ABCA13: variants seen among roughly 807,000 people sequenced by gnomAD.
ABCA13 encodes ATP-binding cassette sub-family A member 13.
Under a neutral mutation model 478.7 loss-of-function variants are expected in ABCA13, and 476 were observed. The ratio of observed to expected loss-of-function variants is 0.99; its 90% CI spans 0.92 to 1.07. The LOEUF (loss-of-function observed/expected upper bound fraction) is 1.07, where lower values mean the gene tolerates loss of function less well. Among genes scored for constraint, ABCA13 ranks in the 50% least tolerant of loss-of-function variants. The probability of loss-of-function intolerance (pLI) is 0.00; values close to 1 mark genes in which losing one functional copy is unlikely to be tolerated. For synonymous variants in ABCA13, 2,252 were observed against 2,158.9 expected (o/e 1.04, Z -1.20); for missense variants, 6,060 against 5,910.6 (o/e 1.03, Z -0.83).
At position 48,276,213 on chromosome 7, in the gene ABCA13, G is replaced by A. The variant is rs201842544; in HGVS notation, c.6547G>A (p.Val2183Ile). ...KNISRAGNFD[V>I]AFLTHLLNQE... is the part of the protein sequence containing the mutation. Reference sequence around the variant, plus strand: ...TATATCTAGAGCAGGCAATTTTGATGTTGCCTTTCTTACCCATCTGCTAAA... The same window carrying A: ...TATATCTAGAGCAGGCAATTTTGATATTGCCTTTCTTACCCATCTGCTAAA... The change falls in exon 17 of 62, where the codon GTT becomes ATT. Residue 2183 changes from valine to isoleucine, a missense_variant. Val to Ile is a conservative substitution (Grantham distance 29). Around this residue, in one of 3 missense-constraint regions of ABCA13, gnomAD observed 4,423 missense variants for 4,309.1 expected, o/e 1.03. Coordinates refer to ENST00000435803, the MANE Select transcript of ABCA13 (RefSeq NM_152701.5). 5 of 1,582,224 alleles carry A rather than the reference G, an allele frequency of 3.2e-6. No individual in the cohort carries two copies. The highest frequency in any genetic ancestry group is 2.7e-5 in the African/African-American group (2 of 74,202).
At chr7:48,447,655 T>C (rs75039435) in intron 42 of ABCA13, among the ~76,000 whole-genome samples, 2,195 of 152,152 alleles carry the variant, frequency 0.014, 49 homozygotes, top group African/African-American at 0.05. Flanking sequence ...AGGGGAAGAA[T>C]GGACCCAGGA....
chr7:48,588,713 T>C (rs1021035629), intron 57 of ABCA13, among the ~76,000 whole-genome samples: 10 of 152,222 alleles, frequency 6.6e-5, no homozygotes, highest in African/African-American at 2.4e-4. Flanking sequence ...ACATTAAGCA[T>C]ATAGCCCAGT....
intron 19 of ABCA13, among the ~76,000 whole-genome samples, chr7:48,287,145 G>C (rs78602562): frequency 0.037 from 5,575 of 152,290 alleles, 205 homozygotes; most frequent in Admixed American, 0.1. Context: ...AGATACGTAG[G>C]TTCAGGAAGG....
At chr7:48,314,972 G>A (rs1281230748) in intron 26 of ABCA13, among the ~76,000 whole-genome samples, 1 of 152,092 alleles carries the variant, frequency 6.6e-6, no homozygotes, top group Non-Finnish European at 1.5e-5. Context: ...TAATTTTTTG[G>A]CCCCAATTTA....
In ABCA13 at chr7:48,451,306, A is replaced by G. The variant is rs138882875; in HGVS notation, c.12566-3731A>G. Among the ~76,000 whole-genome samples the G allele has an allele frequency of 5.9e-5, 9 of 152,258 alleles. No homozygotes were observed. The East Asian group carries it at 1.7e-3, about 29-fold the overall frequency. On this transcript the variant is annotated intron_variant, in intron 42 of 61. Coordinates refer to ENST00000435803, the MANE Select transcript of ABCA13 (RefSeq NM_152701.5). ...GAGCCATCGCGCCCAGCAAGATGTT[A>G]TAAATCACCTGGTTTATGTATGTGA...
At chr7:48,596,698 T>G (rs1790319874) in intron 58 of ABCA13, among the ~76,000 whole-genome samples, 1 of 151,824 alleles carries the variant, frequency 6.6e-6, no homozygotes, top group Non-Finnish European at 1.5e-5. Flanking sequence ...CTCAAGAGGC[T>G]GAGGCAGGAG....
At chr7:48,465,678 A>G (rs1323078786) in intron 43 of ABCA13, among the ~76,000 whole-genome samples, 1 of 152,110 alleles carries the variant, frequency 6.6e-6, no homozygotes, top group Non-Finnish European at 1.5e-5. Flanking sequence ...TCAAATATTT[A>G]TAATGTCTTA....
At chr7:48,390,252 T>G (rs184423780) in intron 37 of ABCA13, among the ~76,000 whole-genome samples, 1 of 152,336 alleles carries the variant, frequency 6.6e-6, no homozygotes, top group Admixed American at 6.5e-5. Context: ...GTTCAATGAC[T>G]GTGTTGCTTT....
intron 59 of ABCA13, among the ~76,000 whole-genome samples, chr7:48,625,198 A>G (rs1180288082): frequency 2.0e-5 from 3 of 152,228 alleles, no homozygotes; most frequent in Non-Finnish European, 4.4e-5. Flanking sequence ...GTGACACCAT[A>G]TGCTTTAGTG....
chr7:48,352,730 A>G (rs1809251376), intron 31 of ABCA13, among the ~76,000 whole-genome samples: 1 of 152,092 alleles, frequency 6.6e-6, no homozygotes, highest in Admixed American at 6.5e-5. Context: ...GGCATCATCT[A>G]TAGTTTTAAA....
In ABCA13 at chr7:48,222,479, A is replaced by T. The variant is rs528141268; in HGVS notation, c.468+1170A>T. Among the ~76,000 whole-genome samples the T allele has an allele frequency of 2.0e-5, 3 of 152,358 alleles. No individual in the cohort carries two copies. The East Asian group carries it at 5.8e-4, about 29-fold the overall frequency. Reference sequence around the variant, plus strand: ...ATGTTATGTATAATACAAGGGAAATAAAAAGCTGTATGCATAAAATGTTCA... The same window carrying T: ...ATGTTATGTATAATACAAGGGAAATTAAAAGCTGTATGCATAAAATGTTCA... On this transcript the variant is annotated intron_variant, in intron 5 of 61. Coordinates refer to ENST00000435803, the MANE Select transcript of ABCA13 (RefSeq NM_152701.5).
rs1462952193 is a variant in ABCA13 at position 48,272,103 on chromosome 7, A to G, written c.2437A>G (p.Arg813Gly). 1.2e-6 allele frequency: 2 copies of G among 1,613,642 alleles called. No individual in the cohort carries two copies. The highest frequency in any genetic ancestry group is 2.7e-5 in the African/African-American group (2 of 74,916). The change falls in exon 17 of 62, where the codon AGG becomes GGG. Residue 813 changes from arginine (R) to glycine (G), a missense_variant. By Grantham distance (125) the Arg-to-Gly change is moderately radical. Transcript: ENST00000435803. ...KMQTLGSHWIRKEPKNLLRFI... is the reference protein window; with the variant it reads ...KMQTLGSHWIGKEPKNLLRFI... Reference sequence around the variant, plus strand: ...GCAGACTCTCGGAAGTCACTGGATAAGGAAGGAACCAAAAAATCTTTTGAG... The same window carrying G: ...GCAGACTCTCGGAAGTCACTGGATAGGGAAGGAACCAAAAAATCTTTTGAG...
At position 48,279,254 on chromosome 7, in the gene ABCA13, T is replaced by C. The variant is rs1305541942; in HGVS notation, c.8060T>C (p.Ile2687Thr). The C allele has an allele frequency of 6.3e-7, 1 of 1,588,634 alleles. No individual in the cohort carries two copies. Among genetic ancestry groups the C allele is most frequent in the Admixed American group, 1.8e-5 (1 of 56,116 alleles). Residue 2687 changes from isoleucine (I) to threonine (T), a missense_variant, in exon 18 of 62, where the codon ATC (isoleucine) becomes ACC (threonine). Physicochemically the swap from Ile to Thr is moderately conservative, Grantham distance 89. Around this residue, in one of 3 missense-constraint regions of ABCA13, gnomAD observed 4,423 missense variants for 4,309.1 expected, o/e 1.03. Coordinates refer to ENST00000435803, the MANE Select transcript of ABCA13 (RefSeq NM_152701.5). ...ILGCLVPINN[I>T]TNQMDFLYPN... is the part of the protein sequence containing the mutation. Reference sequence around the variant, plus strand: ...GGTTGCTTAGTTCCTATAAATAACATCACCAACCAAATGGACTTCTTATAC... The same window carrying C: ...GGTTGCTTAGTTCCTATAAATAACACCACCAACCAAATGGACTTCTTATAC...
intron 52 of ABCA13, among the ~76,000 whole-genome samples, chr7:48,518,321 A>G (rs987129080): frequency 6.6e-6 from 1 of 152,168 alleles, no homozygotes; most frequent in Non-Finnish European, 1.5e-5. Context: ...AGATAATCCT[A>G]TTGGTGAGGA....
intron 38 of ABCA13, 97 bp from the exon 39 acceptor site, chr7:48,403,586 C>G: frequency 8.1e-7 from 1 of 1,241,698 alleles, no homozygotes; most frequent in South Asian, 1.4e-5. Flanking sequence ...TGGTTTATAA[C>G]GATTTCAGCC....
intron 1 of ABCA13, among the ~76,000 whole-genome samples, chr7:48,178,520 C>G (rs1795191267): frequency 6.6e-6 from 1 of 151,744 alleles, no homozygotes; most frequent in Non-Finnish European, 1.5e-5. Context: ...ACTAAAAATA[C>G]AAAAAATAGC....
At chr7:48,617,463 C>T (rs915690482) in intron 59 of ABCA13, among the ~76,000 whole-genome samples, 9 of 152,072 alleles carry the variant, frequency 5.9e-5, no homozygotes, top group Non-Finnish European at 1.0e-4. Flanking sequence ...AGGATTTCCC[C>T]GTGGAGAGGC....
chr7:48,637,506 G>GA (rs893342235), intron 59 of ABCA13, among the ~76,000 whole-genome samples: 4 of 149,304 alleles, frequency 2.7e-5, no homozygotes, highest in Admixed American at 6.7e-5. Flanking sequence ...GCTAAGGACA[G>GA]AAAAAAAAAT....
chr7:48,274,617 C>T lies in ABCA13; in HGVS notation c.4951C>T (p.Pro1651Ser). ...AATGCCTGTAGTTCATCACACTAGT[C>T]CACAAAATGCAGGTTATATGCAAGC... is the stretch of plus-strand genomic sequence containing the variant. ...SLMPVVHHTS[P>S]QNAGYMQALK... The change falls in exon 17 of 62, where the codon CCA becomes TCA. Residue 1651 changes from proline (P) to serine (S), a missense_variant. Pro to Ser is a moderately conservative substitution (Grantham distance 74). This residue lies in a region of ABCA13 where 4,423 missense variants were observed against 4,309.1 expected (regional missense o/e 1.03). Coordinates refer to ENST00000435803, the MANE Select transcript of ABCA13 (RefSeq NM_152701.5). 1 of 1,613,932 alleles carries T rather than the reference C, an allele frequency of 6.2e-7. No homozygotes were observed. The highest frequency in any genetic ancestry group is 1.1e-5 in the South Asian group (1 of 91,082).
Sources: allele counts gnomAD v4.1 joint callset (sites outside exome capture counted in the v4.1 genomes callset), GRCh38; gene constraint gnomAD v4.1.1; regional missense constraint gnomAD v4.1.1; transcripts MANE v1.5; gene names NCBI Gene and HGNC (gene_info 2026-07-23, HGNC 2026-07-21).